The following DGAT2 variants were observed in gnomAD, a reference collection of about 807,000 sequenced individuals.
The protein encoded by DGAT2 is diacylglycerol O-acyltransferase 2, also known as acyl-CoA retinol O-fatty-acyltransferase.
Under a neutral mutation model 48.4 loss-of-function variants are expected in DGAT2, and 33 were observed. The observed-to-expected ratio is 0.68, with a 90% CI of 0.52 to 0.91. DGAT2 has a LOEUF of 0.91. Ranked by LOEUF, DGAT2 falls within the 40% of genes least tolerant of loss-of-function variation. DGAT2 has a pLI of 0.00. For synonymous variants in DGAT2, 191 were observed against 194.1 expected, an observed-to-expected ratio of 0.98 and a Z score of 0.13; for missense variants, 446 against 493.7, an observed-to-expected ratio of 0.90 and a Z score of 0.92.
At chr11:75,799,740 A>T (rs1945092200) in intron 7 of DGAT2, among the ~76,000 whole-genome samples, 1 of 151,728 alleles carries the variant, frequency 6.6e-6, no homozygotes, top group Non-Finnish European at 1.5e-5. Context: ...CAGCCTCCTG[A>T]GTAGCTGGGA....
At chr11:75,793,235 C>A (rs991531211) in intron 4 of DGAT2, 15 of 152,268 alleles carry the variant, frequency 9.9e-5, no homozygotes, top group African/African-American at 3.6e-4. Context: ...CCTTCCCCTC[C>A]TTCCAGAACG....
chr11:75,773,107 C>T (rs762715021), intron 1 of DGAT2, among the ~76,000 whole-genome samples: 20 of 152,230 alleles, frequency 1.3e-4, no homozygotes, highest in Non-Finnish European at 2.8e-4. Context: ...GTAATAGGTA[C>T]TTAGTAAGTA....
chr11:75,780,203 G>A (rs1174402917), intron 1 of DGAT2, among the ~76,000 whole-genome samples: 3 of 152,192 alleles, frequency 2.0e-5, no homozygotes, highest in Non-Finnish European at 4.4e-5. Context: ...GTGGCATGTG[G>A]TGGCATCTGA....
chr11:75,797,455 T>C, intron 6 of DGAT2, 123 bp downstream of exon 6: 1 of 1,178,064 alleles, frequency 8.5e-7, no homozygotes, highest in Middle Eastern at 3.2e-4. Context: ...TCAGTCATTC[T>C]GTTAGGGAGG....
rs780204650 is a variant in DGAT2 at position 75,800,335 on chromosome 11, C to T, written c.1013-19C>T. On this transcript the variant is annotated intron_variant, in intron 7 of 7. Coordinates refer to ENST00000228027, the MANE Select transcript of DGAT2 (RefSeq NM_032564.5). ...GGAAGGGTGTTGACTAACCAGAAGC[C>T]TCTGCCCTGTCCCTGCAGTGGGAGA... The T allele has an allele frequency of 1.1e-5, 17 of 1,613,402 alleles. No homozygotes were observed. The Admixed American group carries it at 2.7e-4, about 25-fold the overall frequency.
chr11:75,786,300 G>T (rs1944922105), intron 2 of DGAT2, among the ~76,000 whole-genome samples: 1 of 152,150 alleles, frequency 6.6e-6, no homozygotes, highest in Non-Finnish European at 1.5e-5. Flanking sequence ...GGAAGTGGAG[G>T]CCTGGCGAGG....
chr11:75,790,797 A>G, intron 4 of DGAT2, 66 bp downstream of exon 4: 1 of 1,560,460 alleles, frequency 6.4e-7, no homozygotes, highest in Non-Finnish European at 8.8e-7. Flanking sequence ...TCAGGCCTTA[A>G]CCCACCCACA....
chr11:75,771,527 C>T (rs1944757717), intron 1 of DGAT2, among the ~76,000 whole-genome samples: 1 of 151,970 alleles, frequency 6.6e-6, no homozygotes. Context: ...GCAGAGGAGT[C>T]CTTTCTGACA....
At chr11:75,784,955 G>C (rs1423342329) in intron 2 of DGAT2, among the ~76,000 whole-genome samples, 2 of 152,134 alleles carry the variant, frequency 1.3e-5, no homozygotes, top group Admixed American at 1.3e-4. Flanking sequence ...AGATTCAGTG[G>C]GAGGTGGTGT....
chr11:75,797,242 G>T lies in DGAT2; in HGVS notation c.719G>T (p.Gly240Val). 1 of 1,583,344 alleles carries T rather than the reference G, an allele frequency of 6.3e-7. No individual in the cohort carries two copies. The highest frequency in any genetic ancestry group is 8.6e-7 in the Non-Finnish European group (1 of 1,164,338). Residue 240 changes from glycine to valine, a missense_variant, in exon 6 of 8, where the codon GGT becomes GTT. Transcript: ENST00000228027. Reference protein sequence around the residue: ...SGNAIIIVVGGAAESLSSMPG... With the variant: ...SGNAIIIVVGVAAESLSSMPG... ...AATGCTATCATCATCGTGGTCGGGG[G>T]TGCGGCTGAGTCTCTGAGCTCCATG...
At chr11:75,797,567 C>T (rs990518476) in intron 6 of DGAT2, among the ~76,000 whole-genome samples, 1 of 152,134 alleles carries the variant, frequency 6.6e-6, no homozygotes, top group Non-Finnish European at 1.5e-5. Flanking sequence ...GCAGGTGGGC[C>T]GAGAGTCCAG....
chr11:75,780,024 G>A (rs542706543), intron 1 of DGAT2, among the ~76,000 whole-genome samples: 72 of 152,354 alleles, frequency 4.7e-4, no homozygotes, highest in African/African-American at 1.6e-3. Context: ...GCACCCATGC[G>A]TCACTGGCAG....
At chr11:75,772,559 A>G (rs1049418783) in intron 1 of DGAT2, among the ~76,000 whole-genome samples, 1 of 152,036 alleles carries the variant, frequency 6.6e-6, no homozygotes, top group African/African-American at 2.4e-5. Flanking sequence ...TGGCCACCCT[A>G]TCTAGAGAGC....
intron 5 of DGAT2, chr11:75,796,841 G>A: frequency 2.1e-6 from 1 of 471,022 alleles, no homozygotes; most frequent in East Asian, 3.6e-5. Context: ...TTGTCCACCT[G>A]CCTGAGACCT....
At chr11:75,787,548 C>T (rs1239439637) in intron 2 of DGAT2, among the ~76,000 whole-genome samples, 2 of 152,212 alleles carry the variant, frequency 1.3e-5, no homozygotes, top group Admixed American at 6.5e-5. Flanking sequence ...GGTCCTGAGC[C>T]TTCCATGTGT....
intron 5 of DGAT2, 155 bp downstream of exon 5, chr11:75,796,687 G>A: frequency 2.8e-6 from 2 of 715,174 alleles, no homozygotes; most frequent in Non-Finnish European, 4.6e-6. Context: ...GGTCAGGGCT[G>A]AGGAGGAGAG....
At chr11:75,779,670 G>T (rs1944839299) in intron 1 of DGAT2, among the ~76,000 whole-genome samples, 1 of 152,214 alleles carries the variant, frequency 6.6e-6, no homozygotes, top group Non-Finnish European at 1.5e-5. Context: ...AGCAAGTGCT[G>T]CCTGGGAGCA....
intron 1 of DGAT2, chr11:75,784,411 A>G: frequency 1.8e-6 from 1 of 545,808 alleles, no homozygotes; most frequent in East Asian, 3.2e-5. Flanking sequence ...GTATCTATAG[A>G]AACCAGGGCA....
At chr11:75,770,422 C>G (rs1944746198) in intron 1 of DGAT2, among the ~76,000 whole-genome samples, 1 of 152,100 alleles carries the variant, frequency 6.6e-6, no homozygotes, top group Non-Finnish European at 1.5e-5. Context: ...CTTGAGCTGC[C>G]CCATGTATCC....
Sources: allele counts gnomAD v4.1 joint callset (sites outside exome capture counted in the v4.1 genomes callset), GRCh38; gene constraint gnomAD v4.1.1; transcripts MANE v1.5; gene names NCBI Gene and HGNC (gene_info 2026-07-23, HGNC 2026-07-21).